TRPM2: variants seen among roughly 807,000 people sequenced by gnomAD.
The protein encoded by TRPM2 is estrogen-responsive element-associated gene 1 protein.
In TRPM2, 161 loss-of-function variants were observed where a neutral mutation model predicts 174.0. The observed-to-expected ratio is 0.93, with a 90% CI of 0.81 to 1.05. TRPM2 has a LOEUF of 1.05. TRPM2 is among the 50% of genes least tolerant of loss of function. TRPM2 has a pLI of 0.00. For missense variants in TRPM2, 2,057 were observed against 2,038.0 expected (o/e 1.01, Z -0.18); for synonymous variants, 954 against 861.3 (o/e 1.11, Z -1.88).
intron 16 of TRPM2, among the ~76,000 whole-genome samples, chr21:44,404,142 CACACATACAG>C (rs2049760593): frequency 7.1e-6 from 1 of 140,862 alleles, no homozygotes; most frequent in East Asian, 2.1e-4. Context: ...CATATGAACA[CACACATACAG>C]ACACATACAC....
Position 44,439,716 on chromosome 21 carries a change from CT to C in TRPM2, c.4269+557del, listed in dbSNP as rs1041630005. ...GCTCTCTCACACAAATGCATGCACACTTTTTTTTTAATTTTTATTTTTGGAA... is the reference window on the plus strand; with the variant it reads ...GCTCTCTCACACAAATGCATGCACACTTTTTTTTAATTTTTATTTTTGGAA... On this transcript the variant is annotated intron_variant, in intron 30 of 31. Coordinates refer to ENST00000397928, the MANE Select transcript of TRPM2 (RefSeq NM_003307.4). The surrounding 1 kb of genome is among the most constrained non-coding windows in gnomAD (Gnocchi z 5.1). Among the ~76,000 whole-genome samples, 7 of 151,794 alleles carry C rather than the reference CT, an allele frequency of 4.6e-5. No homozygotes were observed. The highest frequency in any genetic ancestry group is 1.9e-4 in the East Asian group (1 of 5,140).
chr21:44,431,965 A>G (rs1249657017), intron 27 of TRPM2, among the ~76,000 whole-genome samples: 1 of 151,888 alleles, frequency 6.6e-6, no homozygotes, highest in Non-Finnish European at 1.5e-5. Context: ...CTTAACCCTA[A>G]CCCTAATCCT....
In TRPM2 at chr21:44,429,836, A is replaced by G. The variant is rs115092628; in HGVS notation, c.3974+2725A>G. 5.5e-3 allele frequency among the ~76,000 whole-genome samples: 841 copies of G among 152,232 alleles called. 7 individuals carry two copies. Among genetic ancestry groups the G allele is most frequent in the African/African-American group, 0.019 (794 of 41,514 alleles). On this transcript the variant is annotated intron_variant, in intron 27 of 31. Transcript: ENST00000397928. Reference sequence around the variant, plus strand: ...TAAATTCTTCAGTGTAATTTAGAATATTGGTAATATTAACAGGCTTCCTTG... The same window carrying G: ...TAAATTCTTCAGTGTAATTTAGAATGTTGGTAATATTAACAGGCTTCCTTG...
intron 16 of TRPM2, among the ~76,000 whole-genome samples, chr21:44,403,757 A>G (rs906590211): frequency 1.3e-5 from 2 of 151,820 alleles, no homozygotes; most frequent in African/African-American, 4.8e-5. Flanking sequence ...ATGCACACAC[A>G]TGCATACACA....
Position 44,379,018 on chromosome 21 carries a change from A to C in TRPM2, c.1036A>C (p.Asn346His). Residue 346 changes from asparagine (N) to histidine (H), a missense_variant, in exon 8 of 32, where the codon AAC becomes CAC. Coordinates refer to ENST00000397928, the MANE Select transcript of TRPM2 (RefSeq NM_003307.4). ...GCAGACCATCGACAACGCCACCACC[A>C]ACGGCACCCCCTGTGTGGTTGTGGA... ...TLHTIDNATTNGTPCVVVEGS... is the reference protein window; with the variant it reads ...TLHTIDNATTHGTPCVVVEGS... The C allele has an allele frequency of 6.2e-7, 1 of 1,607,798 alleles. No individual in the cohort carries two copies. Among genetic ancestry groups the C allele is most frequent in the South Asian group, 1.1e-5 (1 of 91,060 alleles).
intron 5 of TRPM2, among the ~76,000 whole-genome samples, chr21:44,372,133 A>AC (rs1030469131): frequency 2.0e-5 from 3 of 151,624 alleles, no homozygotes; most frequent in African/African-American, 7.3e-5. Context: ...ACTAAACCAA[A>AC]CCAAACCAAA....
rs140112668 is a variant in TRPM2 at position 44,375,950 on chromosome 21, G to C, written c.889G>C (p.Val297Leu). 1.2e-6 allele frequency: 2 copies of C among 1,614,124 alleles called. No individual in the cohort carries two copies. Among genetic ancestry groups the C allele is most frequent in the Non-Finnish European group, 1.7e-6 (2 of 1,180,018 alleles). The change falls in exon 6 of 32, where the codon GTG (valine) becomes CTG (leucine). Residue 297 changes from valine to leucine, a missense_variant. Physicochemically the swap from Val to Leu is conservative, Grantham distance 32. Transcript: ENST00000397928. ...VDDGTHGQYG[V>L]EIPLRTRLEK... is the part of the protein sequence containing the mutation. Reference sequence around the variant, plus strand: ...CGACGGGACCCACGGCCAGTACGGGGTGGAGATTCCTCTGAGGACCAGGCT... The same window carrying C: ...CGACGGGACCCACGGCCAGTACGGGCTGGAGATTCCTCTGAGGACCAGGCT...
At chr21:44,434,932 C>T (rs1221410436) in intron 27 of TRPM2, among the ~76,000 whole-genome samples, 199 bp from the exon 28 acceptor site, 1 of 152,084 alleles carries the variant, frequency 6.6e-6, no homozygotes, top group African/African-American at 2.4e-5. Context: ...CCGAGTTAAC[C>T]CAGAGCCTTG....
In TRPM2 at chr21:44,354,876, C is replaced by T. The variant is rs1371860502; in HGVS notation, c.254+140C>T. ...TCTGTCTCCATACGAGGCTTAGAGT[C>T]CACAGAGCATTTCCACCTAACCCTT... On this transcript the variant is annotated intron_variant, in intron 2 of 31. Transcript: ENST00000397928. This position sits in a 1 kb window ranked among gnomAD's most constrained non-coding sequence, Gnocchi z 4.3. The T allele has an allele frequency of 1.4e-6, 1 of 739,006 alleles. No individual in the cohort carries two copies. The highest frequency in any genetic ancestry group is 2.3e-6 in the Non-Finnish European group (1 of 426,244). The allele number at this position is 739,006 out of a possible 1,614,324, so 45.8% of individuals were successfully genotyped here. A position where few individuals can be genotyped will look rare whatever the true frequency, so the allele number is the denominator to read the frequency against.
At chr21:44,381,957 GATAGATA>G (rs2048891682) in intron 8 of TRPM2, among the ~76,000 whole-genome samples, 1 of 20,438 alleles carries the variant, frequency 4.9e-5, no homozygotes, top group Non-Finnish European at 1.3e-4. Flanking sequence ...TAGATGGATA[GATAGATA>G]GATAGATAGA....
intron 13 of TRPM2, 144 bp downstream of exon 13, chr21:44,398,020 G>A (rs1382209025): frequency 1.9e-6 from 2 of 1,072,564 alleles, no homozygotes; most frequent in East Asian, 3.1e-5. Flanking sequence ...CTTACCCTGG[G>A]GTCCTCATCC....
Position 44,425,809 on chromosome 21 carries a change from C to A in TRPM2, c.3777C>A (p.Asn1259Lys), listed in dbSNP as rs140290337. 1 of 1,576,714 alleles carries A rather than the reference C, an allele frequency of 6.3e-7. No homozygotes were observed. The highest frequency in any genetic ancestry group is 8.7e-7 in the Non-Finnish European group (1 of 1,153,216). Residue 1259 changes from asparagine (N) to lysine (K), a missense_variant, in exon 25 of 32, where the codon AAC becomes AAA. By Grantham distance (94) the Asn-to-Lys change is moderately conservative (BLOSUM62 0). Coordinates refer to ENST00000397928, the MANE Select transcript of TRPM2 (RefSeq NM_003307.4). Reference sequence around the variant, plus strand: ...CTGTCACGCGCTTCCCCGTGCCCAACGAGAAGGTGCCCTGGGAGGTGAGCG... The same window carrying A: ...CTGTCACGCGCTTCCCCGTGCCCAAAGAGAAGGTGCCCTGGGAGGTGAGCG... The part of the protein sequence containing the change: ...NCPVTRFPVP[N>K]EKVPWETEFL...
intron 29 of TRPM2, among the ~76,000 whole-genome samples, chr21:44,437,879 G>C (rs775002046): frequency 9.2e-5 from 14 of 152,276 alleles, no homozygotes; most frequent in Non-Finnish European, 1.3e-4. Flanking sequence ...AGTCCTGCCA[G>C]GCCTGGCCGT....
At chr21:44,407,450 GTT>G (rs71197896) in intron 19 of TRPM2, among the ~76,000 whole-genome samples, 32,190 of 85,420 alleles carry the variant, frequency 0.38, 5,790 homozygotes, top group Middle Eastern at 0.55. Flanking sequence ...CATATAGAAG[GTT>G]TTTTTTTTTT....
At position 44,413,893 on chromosome 21, in the gene TRPM2, G is replaced by A. The variant is rs1209877129; in HGVS notation, c.2965G>A (p.Val989Met). The A allele has an allele frequency of 2.5e-6, 4 of 1,609,478 alleles. No individual in the cohort carries two copies. Among genetic ancestry groups the A allele is most frequent in the Non-Finnish European group, 3.4e-6 (4 of 1,176,236 alleles). The change falls in exon 20 of 32, where the codon GTG (valine) becomes ATG (methionine). Residue 989 changes from valine to methionine, a missense_variant and splice_region_variant. Val to Met is a conservative substitution (Grantham distance 21). Transcript: ENST00000397928. ...CCCACCCCCATTCCCAACGCCAGGT[G>A]TGAACTTCAACCCGGAGCACTGCAG... is the stretch of plus-strand genomic sequence containing the variant. Reference protein sequence around the residue: ...FGQIPGYIDGVNFNPEHCSPN... With the variant: ...FGQIPGYIDGMNFNPEHCSPN...
rs371207692 is a variant in TRPM2, at chr21:44,418,015, G to A, written c.3235G>A (p.Ala1079Thr). Reference sequence around the variant, plus strand: ...GATCGAGGAGTACCACGGCCGCCCCGCCGCGCCGCCCCCCTTCATCCTCCT... The same window carrying A: ...GATCGAGGAGTACCACGGCCGCCCCACCGCGCCGCCCCCCTTCATCCTCCT... ...DLIEEYHGRP[A>T]APPPFILLSH... The change falls in exon 21 of 32, where the codon GCC becomes ACC. Residue 1079 changes from alanine to threonine, a missense_variant. Physicochemically the swap from Ala to Thr is moderately conservative, Grantham distance 58 (BLOSUM62 0). Transcript: ENST00000397928. The A allele has an allele frequency of 2.0e-5, 32 of 1,612,752 alleles. No individual in the cohort carries two copies. Among genetic ancestry groups the A allele is most frequent in the Admixed American group, 1.0e-4 (6 of 59,994 alleles).
intron 8 of TRPM2, among the ~76,000 whole-genome samples, chr21:44,379,650 C>A (rs956285221): frequency 6.6e-6 from 1 of 152,214 alleles, no homozygotes; most frequent in African/African-American, 2.4e-5. Flanking sequence ...GCCATTGCCC[C>A]AGTCCAGGGG....
In TRPM2 at chr21:44,379,019, A is replaced by G. The variant is rs746958265; in HGVS notation, c.1037A>G (p.Asn346Ser). ...CAGACCATCGACAACGCCACCACCA[A>G]CGGCACCCCCTGTGTGGTTGTGGAG... ...TLHTIDNATT[N>S]GTPCVVVEGS... The change falls in exon 8 of 32, where the codon AAC becomes AGC. Residue 346 changes from asparagine to serine, a missense_variant. Transcript: ENST00000397928. 7 of 1,607,658 alleles carry G rather than the reference A, an allele frequency of 4.4e-6. No homozygotes were observed. The South Asian group carries it at 4.4e-5, about 10-fold the overall frequency.
intron 5 of TRPM2, 22 bp downstream of exon 5, chr21:44,369,365 G>A: frequency 6.3e-7 from 1 of 1,593,838 alleles, no homozygotes; most frequent in Non-Finnish European, 8.6e-7. Flanking sequence ...CCCCTAGGGA[G>A]GGGAGCCTAA....
Sources: allele counts gnomAD v4.1 joint callset (sites outside exome capture counted in the v4.1 genomes callset), GRCh38; gene constraint gnomAD v4.1.1; non-coding constraint Gnocchi (gnomAD v3.1); transcripts MANE v1.5; gene names NCBI Gene and HGNC (gene_info 2026-07-23, HGNC 2026-07-21).